Variants in FRK observed in about 807,000 individuals in gnomAD.
The protein encoded by FRK is tyrosine-protein kinase FRK.
A neutral mutation model predicts 56.4 loss-of-function variants in FRK; 51 were observed. That is an observed-to-expected ratio of 0.90 (90% CI 0.72 to 1.14). The LOEUF is 1.14. FRK is among the 50% of genes most tolerant of loss of function. The pLI is 0.00. For missense variants in FRK, 570 were observed against 601.4 expected, an observed-to-expected ratio of 0.95 and a Z score of 0.55; for synonymous variants, 245 against 217.9, an observed-to-expected ratio of 1.12 and a Z score of -1.10.
Position 116,060,400 on chromosome 6 carries a change from T to A in FRK, c.-89A>T. On this transcript the variant is annotated 5_prime_UTR_variant, in exon 1 of 8. Coordinates refer to ENST00000606080, the MANE Select transcript of FRK (RefSeq NM_002031.3). ...CTTATCTTCCTTCACCAGGCAACTT[T>A]GAAGTCAGCACCAACTCACCATACT... 9.8e-7 allele frequency: 1 copy of A among 1,019,252 alleles called. No homozygotes were observed. Among genetic ancestry groups the A allele is most frequent in the Non-Finnish European group, 1.5e-6 (1 of 684,488 alleles). 63.1% of individuals were successfully genotyped at this position (1,019,252 alleles called of 1,614,324 possible).
chr6:115,979,703 T>C (rs567585742), intron 2 of FRK, among the ~76,000 whole-genome samples: 7 of 152,264 alleles, frequency 4.6e-5, no homozygotes, highest in Non-Finnish European at 7.4e-5. Flanking sequence ...AGGTGTAACA[T>C]TTCTAATATT....
chr6:116,003,735 A>G (rs3798227), intron 2 of FRK, 142 bp downstream of exon 2: 307,447 of 792,486 alleles, frequency 0.39, 63,199 homozygotes, highest in Middle Eastern at 0.47. Context: ...TATTACTCTT[A>G]AGTAGTTTAG....
rs1192848049 is a variant in FRK, at chr6:116,039,146, G to T, written c.344+20822C>A. ...AATCGCTTGCACTGGGGAGAAGCTA[G>T]CTGAAAGGGAAGTGGCATCACTGAG... On this transcript the variant is annotated intron_variant, in intron 1 of 7. Coordinates refer to ENST00000606080, the MANE Select transcript of FRK (RefSeq NM_002031.3). 5.1e-6 allele frequency: 5 copies of T among 978,418 alleles called. No individual in the cohort carries two copies. The African/African-American group carries it at 8.0e-5, about 16-fold the overall frequency. 60.6% of individuals were successfully genotyped at this position (978,418 alleles called of 1,614,324 possible). A position where few individuals can be genotyped will look rare whatever the true frequency, so the allele number is the denominator to read the frequency against.
At chr6:116,052,271 A>G (rs575172397) in intron 1 of FRK, among the ~76,000 whole-genome samples, 1 of 152,314 alleles carries the variant, frequency 6.6e-6, no homozygotes, top group Non-Finnish European at 1.5e-5. Context: ...ACCAAATATT[A>G]AGGCATGAGC....
In FRK at chr6:116,059,995, G is replaced by C. The variant is rs1180633174; in HGVS notation, c.317C>G (p.Ala106Gly). 6.2e-7 allele frequency: 1 copy of C among 1,614,118 alleles called. No homozygotes were observed. The highest frequency in any genetic ancestry group is 2.2e-5 in the East Asian group (1 of 44,884). The change falls in exon 1 of 8, where the codon GCT (alanine) becomes GGT (glycine). Residue 106 changes from alanine (A) to glycine (G), a missense_variant. Coordinates refer to ENST00000606080, the MANE Select transcript of FRK (RefSeq NM_002031.3). ...CTCTGCCTGTAGGCTTCTGTCCTCA[G>C]CCACGTAGTTAGAAGGAATATAGCC... ...LQGYIPSNYV[A>G]EDRSLQAEPW... is the part of the protein sequence containing the mutation.
chr6:115,974,895 T>C (rs973616697), intron 2 of FRK, among the ~76,000 whole-genome samples: 7 of 152,180 alleles, frequency 4.6e-5, no homozygotes, highest in Admixed American at 4.6e-4. Context: ...TGTTTAATTG[T>C]GATACTATTT....
At chr6:116,085,476 G>A in the FRK span, among the ~76,000 whole-genome samples, 1 of 152,208 alleles carries the variant, frequency 6.6e-6, no homozygotes, top group East Asian at 1.9e-4. Flanking sequence ...AAAGGTTCAA[G>A]TAAGAAAGCA....
At chr6:116,046,191 C>T (rs1776951868) in intron 1 of FRK, among the ~76,000 whole-genome samples, 1 of 152,158 alleles carries the variant, frequency 6.6e-6, no homozygotes, top group Non-Finnish European at 1.5e-5. Flanking sequence ...TGGGAGTCTA[C>T]ATTAGTTCAA....
chr6:116,052,210 G>A (rs1406616691), intron 1 of FRK, among the ~76,000 whole-genome samples: 4 of 152,146 alleles, frequency 2.6e-5, no homozygotes, highest in Non-Finnish European at 5.9e-5. Context: ...GTGGATTAGA[G>A]CAACTAATTT....
intron 2 of FRK, among the ~76,000 whole-genome samples, chr6:115,987,645 G>T (rs1235909368): frequency 6.6e-6 from 1 of 151,970 alleles, no homozygotes; most frequent in Admixed American, 6.6e-5. Context: ...CATTTAGTTG[G>T]CATTACCCCT....
chr6:115,968,840 T>A, intron 2 of FRK, 101 bp from the exon 3 acceptor site: 1 of 948,364 alleles, frequency 1.1e-6, no homozygotes, highest in Non-Finnish European at 1.6e-6. Context: ...GAAATCTATA[T>A]AAAATTATAT....
chr6:115,999,282 TGAA>T (rs1774959701), intron 2 of FRK, among the ~76,000 whole-genome samples: 1 of 152,226 alleles, frequency 6.6e-6, no homozygotes, highest in Non-Finnish European at 1.5e-5. Context: ...ATGCATCTAA[TGAA>T]GACAGATTCT....
the FRK span, among the ~76,000 whole-genome samples, chr6:116,069,967 A>T: frequency 6.6e-6 from 1 of 152,088 alleles, no homozygotes; most frequent in African/African-American, 2.4e-5. Context: ...TTAGTGACTC[A>T]ATTTATAGCT....
intron 2 of FRK, 52 bp from the exon 3 acceptor site, chr6:115,968,791 A>G: frequency 6.6e-7 from 1 of 1,509,276 alleles, no homozygotes; most frequent in Non-Finnish European, 9.1e-7. Context: ...AACCAAGCAG[A>G]TTTATTTACT....
Position 115,939,634 on chromosome 6 carries a change from G to A in FRK, c.*2780C>T, listed in dbSNP as rs1167468259. The A allele has an allele frequency of 1.3e-5, 2 of 152,216 alleles. No individual in the cohort carries two copies. The highest frequency in any genetic ancestry group is 2.9e-5 in the Non-Finnish European group (2 of 68,082). 9.4% of individuals were successfully genotyped at this position (152,216 alleles called of 1,614,324 possible). A position where few individuals can be genotyped will look rare whatever the true frequency, so the allele number is the denominator to read the frequency against. On this transcript the variant is annotated 3_prime_UTR_variant, in exon 8 of 8. Coordinates refer to ENST00000606080, the MANE Select transcript of FRK (RefSeq NM_002031.3). ...TAAGCTGATAAGCAACTTCAGCAAA[G>A]TCTCAGGATACAAAATCAATGTGCA...
chr6:116,083,278 C>T, the FRK span, among the ~76,000 whole-genome samples: 4 of 151,788 alleles, frequency 2.6e-5, no homozygotes, highest in Non-Finnish European at 5.9e-5. Flanking sequence ...AGAATGGGAG[C>T]GAAAACAGAT....
At chr6:116,075,094 C>T in the FRK span, among the ~76,000 whole-genome samples, 2 of 152,074 alleles carry the variant, frequency 1.3e-5, no homozygotes, top group East Asian at 1.9e-4. Flanking sequence ...TTCTCTTTTT[C>T]CCACTTGCTT....
chr6:116,068,719 A>G, the FRK span, among the ~76,000 whole-genome samples: 1 of 152,142 alleles, frequency 6.6e-6, no homozygotes, highest in Non-Finnish European at 1.5e-5. Context: ...ATAATCATGA[A>G]ACCCTATTTC....
In FRK at chr6:116,024,230, T is replaced by A. The variant is rs180676213; in HGVS notation, c.345-20232A>T. On this transcript the variant is annotated intron_variant, in intron 1 of 7. Coordinates refer to ENST00000606080, the MANE Select transcript of FRK (RefSeq NM_002031.3). ...GATAAGATACTTATGTTTTTATTTA[T>A]TTATTTACTTATTTTTTCCTTTTTC... Among the ~76,000 whole-genome samples the A allele has an allele frequency of 2.6e-3, 393 of 152,232 alleles. 12 individuals carry two copies. The South Asian group carries it at 0.045, about 17-fold the overall frequency.
Sources: allele counts gnomAD v4.1 joint callset (sites outside exome capture counted in the v4.1 genomes callset), GRCh38; gene constraint gnomAD v4.1.1; transcripts MANE v1.5; gene names NCBI Gene and HGNC (gene_info 2026-07-23, HGNC 2026-07-21).